Variants in SMOC2 observed in about 807,000 individuals in gnomAD.
SMOC2 encodes SPARC-related modular calcium-binding protein 2.
Under a neutral mutation model 61.4 loss-of-function variants are expected in SMOC2, and 39 were observed. That is an observed-to-expected ratio of 0.64 (90% confidence interval 0.49 to 0.83). The LOEUF (loss-of-function observed/expected upper bound fraction) is 0.83. Among genes scored for constraint, SMOC2 ranks in the 40% least tolerant of loss-of-function variants. The pLI is 0.00. For synonymous variants in SMOC2, 247 were observed against 239.9 expected (o/e 1.03, Z -0.27); for missense variants, 556 against 592.9 (o/e 0.94, Z 0.65).
At chr6:168,615,311 C>CAG (rs1394043608) in intron 9 of SMOC2, among the ~76,000 whole-genome samples, 7 of 63,566 alleles carry the variant, frequency 1.1e-4, no homozygotes, top group Non-Finnish European at 1.6e-4. Context: ...ACAGCCAGCA[C>CAG]GGGGCCTCTT....
chr6:168,458,261 C>T (rs528895104), intron 1 of SMOC2, among the ~76,000 whole-genome samples: 13 of 152,072 alleles, frequency 8.5e-5, no homozygotes, highest in Admixed American at 2.0e-4. Context: ...CCGGGGGCAT[C>T]GTGCTGCCTG....
intron 4 of SMOC2, among the ~76,000 whole-genome samples, chr6:168,529,944 T>A (rs1257447265): frequency 6.6e-6 from 1 of 152,230 alleles, no homozygotes; most frequent in Non-Finnish European, 1.5e-5. Context: ...AGAAGTCAGC[T>A]CATACACAGA....
chr6:168,519,111 G>GTGTGTATGCATGCA (rs1783255777), intron 2 of SMOC2, among the ~76,000 whole-genome samples: 1 of 144,142 alleles, frequency 6.9e-6, no homozygotes, highest in East Asian at 2.3e-4. Context: ...GTGTGAACGC[G>GTGTGTATGCATGCA]TGTGTATGCA....
chr6:168,629,023 C>CA (rs1491348213), intron 9 of SMOC2, among the ~76,000 whole-genome samples: 1 of 152,238 alleles, frequency 6.6e-6, no homozygotes, highest in Non-Finnish European at 1.5e-5. Flanking sequence ...GAGGGGGACT[C>CA]ACGGCCTCTT....
chr6:168,600,410 AAAAAAAAAAAACAAAAAAAAAAAC>A (rs1160902975), intron 8 of SMOC2, among the ~76,000 whole-genome samples: 5 of 47,324 alleles, frequency 1.1e-4, no homozygotes, highest in African/African-American at 1.6e-4. Context: ...TCTGCCTCAA[AAAAAAAAAAAACAAAAAAAAAAAC>A]AAAAAAAAAA....
At chr6:168,587,683 G>A (rs1208225893) in intron 7 of SMOC2, among the ~76,000 whole-genome samples, 1 of 152,212 alleles carries the variant, frequency 6.6e-6, no homozygotes, top group African/African-American at 2.4e-5. Flanking sequence ...AGCTGCTGAG[G>A]GATGACTGAG....
intron 7 of SMOC2, among the ~76,000 whole-genome samples, chr6:168,591,232 C>T (rs1054662293): frequency 4.6e-5 from 7 of 152,148 alleles, no homozygotes; most frequent in African/African-American, 1.4e-4. Context: ...GGAGTGTGTT[C>T]AGGAAGGGGC....
At chr6:168,599,226 A>ACACACACCCC (rs1785426909) in intron 8 of SMOC2, among the ~76,000 whole-genome samples, 1 of 131,970 alleles carries the variant, frequency 7.6e-6, no homozygotes, top group Non-Finnish European at 1.6e-5. Context: ...ACACACACCC[A>ACACACACCCC]TGGTCTCTCT....
rs1324221129 is a variant in SMOC2, at chr6:168,547,133, C to G, written c.526C>G (p.Pro176Ala). ...GTGKTDDAAAPALETQPQGDE... is the reference protein window; with the variant it reads ...GTGKTDDAAAAALETQPQGDE... ...TCTGAATTCAGATGATGCCGCAGCTCCAGCGTTGGAGACTCAGCCTCAAGG... is the reference window on the plus strand; with the variant it reads ...TCTGAATTCAGATGATGCCGCAGCTGCAGCGTTGGAGACTCAGCCTCAAGG... The change falls in exon 6 of 13, where the codon CCA becomes GCA. Residue 176 changes from proline to alanine, a missense_variant. Coordinates refer to ENST00000356284, the MANE Select transcript of SMOC2 (RefSeq NM_001166412.2). The G allele has an allele frequency of 1.9e-6, 3 of 1,613,996 alleles. No individual in the cohort carries two copies. The highest frequency in any genetic ancestry group is 2.5e-6 in the Non-Finnish European group (3 of 1,180,010).
intron 7 of SMOC2, among the ~76,000 whole-genome samples, chr6:168,559,119 A>T (rs565564646): frequency 6.6e-6 from 1 of 152,258 alleles, no homozygotes; most frequent in Non-Finnish European, 1.5e-5. Flanking sequence ...GGCTTGAAGC[A>T]TAAACTGAGT....
chr6:168,610,543 T>G (rs1785831955), intron 9 of SMOC2, among the ~76,000 whole-genome samples: 1 of 152,176 alleles, frequency 6.6e-6, no homozygotes, highest in South Asian at 2.1e-4. Context: ...GCTGATGTAT[T>G]TTATTCTTAA....
intron 1 of SMOC2, among the ~76,000 whole-genome samples, chr6:168,503,065 CTTTTTTTTTTTTTTTT>C (rs762736911): frequency 0.018 from 858 of 47,834 alleles, 18 homozygotes; most frequent in African/African-American, 0.024. Flanking sequence ...CGTGCCTGGC[CTTTTTTTTTTTTTTTT>C]TTTTTTTTTT....
chr6:168,612,072 G>T (rs1470278718), intron 9 of SMOC2, among the ~76,000 whole-genome samples: 1 of 152,232 alleles, frequency 6.6e-6, no homozygotes, highest in Non-Finnish European at 1.5e-5. Flanking sequence ...TTGGCTAAGT[G>T]ATACTGGTAA....
chr6:168,622,149 G>A (rs1786263734), intron 9 of SMOC2, among the ~76,000 whole-genome samples: 1 of 152,096 alleles, frequency 6.6e-6, no homozygotes, highest in East Asian at 1.9e-4. Context: ...TGTATTTTTA[G>A]TAGAGACGGG....
At chr6:168,613,914 G>A (rs1389921264) in intron 9 of SMOC2, among the ~76,000 whole-genome samples, 15 of 65,764 alleles carry the variant, frequency 2.3e-4, no homozygotes, top group East Asian at 1.6e-3. Flanking sequence ...CAGCACAGGG[G>A]GCCTCTTCAC....
chr6:168,523,643 C>T (rs1298814425), intron 2 of SMOC2, among the ~76,000 whole-genome samples: 4 of 151,992 alleles, frequency 2.6e-5, no homozygotes, highest in Non-Finnish European at 5.9e-5. Flanking sequence ...TCGTGATGCG[C>T]CCACCTCAGC....
chr6:168,589,782 G>T (rs112079208), intron 7 of SMOC2, among the ~76,000 whole-genome samples: 7 of 72,836 alleles, frequency 9.6e-5, no homozygotes, highest in Non-Finnish European at 1.4e-4. Context: ...CGGCCTGGTG[G>T]TGGTCAGGTG....
chr6:168,596,526 G>A (rs1405334244), intron 7 of SMOC2, among the ~76,000 whole-genome samples: 1 of 152,162 alleles, frequency 6.6e-6, no homozygotes, highest in Non-Finnish European at 1.5e-5. Context: ...ATGTGAACAC[G>A]GCAGTGCTGA....
At chr6:168,448,515 T>TGATGGGGAGGAGGATGAG (rs1352956850) in intron 1 of SMOC2, among the ~76,000 whole-genome samples, 2 of 96,126 alleles carry the variant, frequency 2.1e-5, no homozygotes, top group Non-Finnish European at 4.2e-5. Context: ...GTGAGGATGG[T>TGATGGGGAGGAGGATGAG]GATGGGGAGG....
Sources: allele counts gnomAD v4.1 joint callset (sites outside exome capture counted in the v4.1 genomes callset), GRCh38; gene constraint gnomAD v4.1.1; transcripts MANE v1.5; gene names NCBI Gene and HGNC (gene_info 2026-07-23, HGNC 2026-07-21).